The following ASAP1 variants were observed in gnomAD, a reference collection of about 807,000 sequenced individuals.
The protein encoded by ASAP1 is ArfGAP with SH3 domain, ankyrin repeat and PH domain 1.
Under a neutral mutation model 145.2 loss-of-function variants are expected in ASAP1, and 43 were observed. The observed-to-expected ratio is 0.30, with a 90% CI of 0.23 to 0.38. ASAP1 has a LOEUF of 0.38. ASAP1 is among the 10% of genes least tolerant of loss of function. The pLI is 1.00. For synonymous variants in ASAP1, 546 were observed against 515.5 expected (o/e 1.06, Z -0.80); for missense variants, 1,018 against 1,355.3 (o/e 0.75, Z 3.91).
intron 12 of ASAP1, 42 bp downstream of exon 12, chr8:130,159,821 AG>A: frequency 6.8e-7 from 1 of 1,480,738 alleles, no homozygotes. Context: ...AACATTTTCT[AG>A]GTTAATCACA....
intron 3 of ASAP1, among the ~76,000 whole-genome samples, chr8:130,283,587 G>GAAAAAA (rs71304303): frequency 9.6e-5 from 2 of 20,844 alleles, no homozygotes; most frequent in African/African-American, 3.4e-4. Flanking sequence ...ATCACAGAAA[G>GAAAAAA]AAAAAAAAAA....
At chr8:130,431,996 G>A (rs1277124293) in intron 1 of ASAP1, among the ~76,000 whole-genome samples, 1 of 122,162 alleles carries the variant, frequency 8.2e-6, no homozygotes, top group African/African-American at 3.2e-5. Flanking sequence ...GAAAGAAGGA[G>A]AGGGAGGAGA....
intron 3 of ASAP1, among the ~76,000 whole-genome samples, chr8:130,256,136 C>CATTA (rs1819499568): frequency 6.6e-6 from 1 of 152,184 alleles, no homozygotes; most frequent in South Asian, 2.1e-4. Flanking sequence ...CCCTGAAGCA[C>CATTA]TAATGAACAT....
In ASAP1 at chr8:130,119,768, C is replaced by T. The variant is rs551324666; in HGVS notation, c.1608-1093G>A. Among the ~76,000 whole-genome samples the T allele has an allele frequency of 2.4e-3, 368 of 151,882 alleles. 2 individuals are homozygous for T. The highest frequency in any genetic ancestry group is 7.1e-3 in the South Asian group (34 of 4,788). On this transcript the variant is annotated intron_variant, in intron 18 of 29. Coordinates refer to ENST00000518721, the MANE Select transcript of ASAP1 (RefSeq NM_018482.4). The stretch of plus-strand genomic sequence containing the variant: ...GTTCTACAGCACCCCAGCTGTGTGA[C>T]CATAGTAAACTGCTTAATCGTCATG...
chr8:130,353,847 G>A (rs1455258512), intron 3 of ASAP1, among the ~76,000 whole-genome samples: 3 of 149,472 alleles, frequency 2.0e-5, no homozygotes, highest in African/African-American at 7.7e-5. Context: ...CTGCAGCCTC[G>A]GCGACAGAGT....
intron 3 of ASAP1, among the ~76,000 whole-genome samples, chr8:130,317,000 G>A (rs1019478957): frequency 4.6e-5 from 7 of 151,842 alleles, no homozygotes; most frequent in Non-Finnish European, 7.4e-5. Context: ...TACAGGCTAT[G>A]CTGTTGAATG....
intron 3 of ASAP1, among the ~76,000 whole-genome samples, chr8:130,320,074 A>G (rs1823905793): frequency 6.6e-6 from 1 of 152,240 alleles, no homozygotes; most frequent in Non-Finnish European, 1.5e-5. Flanking sequence ...TATTTTCCAC[A>G]TTTTTATAAT....
At chr8:130,162,654 T>C (rs1010010419) in intron 11 of ASAP1, among the ~76,000 whole-genome samples, 2 of 151,706 alleles carry the variant, frequency 1.3e-5, no homozygotes, top group African/African-American at 2.4e-5. Context: ...CCGTCTCTAC[T>C]AAAAATACAA....
intron 3 of ASAP1, among the ~76,000 whole-genome samples, chr8:130,277,331 G>C (rs991684438): frequency 6.6e-6 from 1 of 152,268 alleles, no homozygotes; most frequent in Admixed American, 6.5e-5. Context: ...GGCAACAGGA[G>C]AAAAACACCA....
intron 5 of ASAP1, among the ~76,000 whole-genome samples, chr8:130,201,097 T>C (rs1014830208): frequency 6.6e-6 from 1 of 152,312 alleles, no homozygotes; most frequent in Admixed American, 6.5e-5. Flanking sequence ...CCCAGCAACC[T>C]AAGTTTTAAC....
intron 24 of ASAP1, among the ~76,000 whole-genome samples, chr8:130,107,480 C>CG (rs1363421766): frequency 6.6e-6 from 1 of 150,848 alleles, no homozygotes; most frequent in African/African-American, 2.4e-5. Context: ...CCACCATGCC[C>CG]GGCCCATAGT....
intron 2 of ASAP1, among the ~76,000 whole-genome samples, chr8:130,364,052 G>T (rs6994242): frequency 0.026 from 3,969 of 151,960 alleles, 62 homozygotes; most frequent in Middle Eastern, 0.044. Flanking sequence ...GCAATTTCAG[G>T]TAATAATAAT....
At chr8:130,338,563 T>G (rs1348106331) in intron 3 of ASAP1, among the ~76,000 whole-genome samples, 2 of 152,224 alleles carry the variant, frequency 1.3e-5, no homozygotes, top group Non-Finnish European at 2.9e-5. Flanking sequence ...TGCAGTATCT[T>G]TAATGACTCT....
chr8:130,290,519 G>A (rs2137295199), intron 3 of ASAP1, among the ~76,000 whole-genome samples: 1 of 152,242 alleles, frequency 6.6e-6, no homozygotes, highest in Middle Eastern at 3.4e-3. Context: ...CCTGAACCAG[G>A]GCTATTATGG....
At chr8:130,252,623 C>T (rs1179265257) in intron 3 of ASAP1, among the ~76,000 whole-genome samples, 1 of 151,944 alleles carries the variant, frequency 6.6e-6, no homozygotes, top group Non-Finnish European at 1.5e-5. Context: ...TGTCTGGGGC[C>T]CAAAAGAAAA....
intron 3 of ASAP1, among the ~76,000 whole-genome samples, chr8:130,256,739 TTATATATATATATATATATATATATATA>T (rs58245112): frequency 3.1e-5 from 3 of 95,904 alleles, no homozygotes; most frequent in East Asian, 2.8e-4. Flanking sequence ...ATACACATTC[TTATATATATATATATATATATATATATA>T]TATATATATA....
intron 28 of ASAP1, among the ~76,000 whole-genome samples, chr8:130,058,299 G>T (rs746834252): frequency 5.7e-4 from 86 of 152,170 alleles, no homozygotes; most frequent in Admixed American, 4.6e-4. Context: ...GGGTGGCCCT[G>T]CATTGGTGAT....
At chr8:130,384,964 T>C (rs1827944535) in intron 2 of ASAP1, among the ~76,000 whole-genome samples, 1 of 152,150 alleles carries the variant, frequency 6.6e-6, no homozygotes, top group Non-Finnish European at 1.5e-5. Flanking sequence ...CGAGACAGTG[T>C]CCCACGTACA....
chr8:130,335,263 G>A (rs1275106321), intron 3 of ASAP1, among the ~76,000 whole-genome samples: 3 of 152,146 alleles, frequency 2.0e-5, no homozygotes, highest in African/African-American at 7.2e-5. Context: ...TGCCGATCAT[G>A]CAACAGACCC....
Sources: allele counts gnomAD v4.1 joint callset (sites outside exome capture counted in the v4.1 genomes callset), GRCh38; gene constraint gnomAD v4.1.1; transcripts MANE v1.5; gene names NCBI Gene and HGNC (gene_info 2026-07-23, HGNC 2026-07-21).